Variants in MPRIP observed in about 807,000 individuals in gnomAD.
MPRIP encodes myosin phosphatase Rho-interacting protein.
MPRIP carries 59 observed loss-of-function variants against 234.9 expected under a neutral mutation model. That is an observed-to-expected ratio of 0.25 (90% CI 0.20 to 0.31). The LOEUF (loss-of-function observed/expected upper bound fraction) is 0.31, where lower values mean the gene tolerates loss of function less well. MPRIP is among the 10% of genes least tolerant of loss of function. The pLI is 1.00. For synonymous variants in MPRIP, 1,144 were observed against 1,263.9 expected (o/e 0.91, Z 2.01); for missense variants, 2,436 against 3,071.0 (o/e 0.79, Z 4.89).
chr17:17,142,858 G>C (rs535239889), intron 8 of MPRIP, 93 bp downstream of exon 8: 8 of 1,414,998 alleles, frequency 5.7e-6, no homozygotes, highest in Non-Finnish European at 7.7e-6. Flanking sequence ...ACAGGCCTGG[G>C]ATGTGCTCCT....
intron 1 of MPRIP, among the ~76,000 whole-genome samples, chr17:17,044,266 T>G (rs2088275960): frequency 6.6e-6 from 1 of 152,222 alleles, no homozygotes; most frequent in South Asian, 2.1e-4. Context: ...CTCATTTACC[T>G]CGGAGGGTGT....
rs777287779 is a variant in MPRIP at position 17,142,764 on chromosome 17, G to A, written c.1388G>A (p.Arg463Gln). The change falls in exon 8 of 24, where the codon CGG (arginine) becomes CAG (glutamine). Residue 463 changes from arginine (R) to glutamine (Q), a missense_variant and splice_region_variant. Physicochemically the swap from Arg to Gln is conservative, Grantham distance 43. This residue lies in a region of MPRIP where 267 missense variants were observed against 252.7 expected (regional missense o/e 1.06). Transcript: ENST00000651222. Reference sequence around the variant, plus strand: ...GAGAAGAGGGCGTTCCCTAGGAAGCGGGTGAGCTCCTGGGGCTGGGCAGCA... The same window carrying A: ...GAGAAGAGGGCGTTCCCTAGGAAGCAGGTGAGCTCCTGGGGCTGGGCAGCA... ...RSEKRAFPRKRDFTNEAPPAP... is the reference protein window; with the variant it reads ...RSEKRAFPRKQDFTNEAPPAP... 15 of 1,612,066 alleles carry A rather than the reference G, an allele frequency of 9.3e-6. No homozygotes were observed. Among genetic ancestry groups the A allele is most frequent in the Admixed American group, 8.3e-5 (5 of 59,972 alleles).
At chr17:17,169,531 C>T (rs1057229491) in intron 16 of MPRIP, among the ~76,000 whole-genome samples, 3 of 152,242 alleles carry the variant, frequency 2.0e-5, no homozygotes, top group Admixed American at 6.5e-5. Flanking sequence ...GGGCCAGTGT[C>T]ACTAGGAGGG....
At chr17:17,153,677 T>C (rs1360644997) in intron 12 of MPRIP, among the ~76,000 whole-genome samples, 1 of 151,626 alleles carries the variant, frequency 6.6e-6, no homozygotes, top group Admixed American at 6.6e-5. Flanking sequence ...AGCCAGACGC[T>C]GTTCATACCC....
intron 13 of MPRIP, among the ~76,000 whole-genome samples, chr17:17,155,743 T>C (rs2144581918): frequency 6.6e-6 from 1 of 152,354 alleles, no homozygotes; most frequent in South Asian, 2.1e-4. Context: ...GCCCTCTGTC[T>C]CTCAGGATCC....
At chr17:17,059,949 T>C (rs2088822049) in intron 1 of MPRIP, among the ~76,000 whole-genome samples, 1 of 152,186 alleles carries the variant, frequency 6.6e-6, no homozygotes, top group Non-Finnish European at 1.5e-5. Flanking sequence ...ATAAATTACG[T>C]TGAGCACCTT....
intron 3 of MPRIP, among the ~76,000 whole-genome samples, chr17:17,113,582 T>C (rs554471996): frequency 6.6e-6 from 1 of 152,378 alleles, no homozygotes; most frequent in African/African-American, 2.4e-5. Flanking sequence ...TGTTGGCTAT[T>C]GTGAATAATG....
intron 1 of MPRIP, among the ~76,000 whole-genome samples, chr17:17,050,039 T>C (rs893209048): frequency 3.6e-4 from 53 of 145,448 alleles, no homozygotes; most frequent in African/African-American, 1.3e-3. Flanking sequence ...TACAATAAAT[T>C]AGTCGGGGCC....
chr17:17,131,481 C>T (rs2090595425), intron 4 of MPRIP, 136 bp from the exon 5 acceptor site: 1 of 692,328 alleles, frequency 1.4e-6, no homozygotes, highest in Non-Finnish European at 2.5e-6. Flanking sequence ...CTCTGTGGCA[C>T]TTCTGGCCCC....
At chr17:17,055,844 G>GT (rs1430815850) in intron 1 of MPRIP, among the ~76,000 whole-genome samples, 1 of 152,226 alleles carries the variant, frequency 6.6e-6, no homozygotes, top group East Asian at 1.9e-4. Flanking sequence ...TTGTGGCGCT[G>GT]TTGGTGGTAT....
intron 3 of MPRIP, among the ~76,000 whole-genome samples, chr17:17,103,755 G>A (rs1488834542): frequency 1.3e-5 from 2 of 152,206 alleles, no homozygotes; most frequent in Non-Finnish European, 2.9e-5. Flanking sequence ...ACTCTCTGCA[G>A]GAAAACAGAT....
chr17:17,169,064 A>G (rs1245677413), intron 16 of MPRIP: 1 of 447,886 alleles, frequency 2.2e-6, no homozygotes, highest in African/African-American at 2.0e-5. Flanking sequence ...CCTCAGGAGA[A>G]CTGAGAAGCT....
chr17:17,075,900 G>A (rs1320845211), intron 2 of MPRIP, 113 bp downstream of exon 2: 1 of 960,440 alleles, frequency 1.0e-6, no homozygotes, highest in African/African-American at 1.6e-5. Flanking sequence ...TCCTGGGATA[G>A]CAGGACCAGC....
At chr17:17,048,169 C>G (rs1281076099) in intron 1 of MPRIP, among the ~76,000 whole-genome samples, 1 of 152,102 alleles carries the variant, frequency 6.6e-6, no homozygotes, top group Non-Finnish European at 1.5e-5. Context: ...TTGGCTGGGT[C>G]ATTTTCATTG....
At position 17,165,559 on chromosome 17, in the gene MPRIP, G is replaced by A. The variant is rs771177913; in HGVS notation, c.3968G>A (p.Arg1323Gln). 8.4e-6 allele frequency: 11 copies of A among 1,304,598 alleles called. No individual in the cohort carries two copies. The highest frequency in any genetic ancestry group is 5.5e-5 in the East Asian group (1 of 18,032). The allele number at this position is 1,304,598 out of a possible 1,614,324, so 80.8% of individuals were successfully genotyped here. Reference protein sequence around the residue: ...GAPGVKRQRIRFSTIQCQRYI... With the variant: ...GAPGVKRQRIQFSTIQCQRYI... ...CCTGGTGTTAAAAGGCAAAGAATCC[G>A]GTTCTCCACAATCCAGTGCCAAAGA... The change falls in exon 16 of 24, where the codon CGG becomes CAG. Residue 1323 changes from arginine to glutamine, a missense_variant. Coordinates refer to ENST00000651222, the MANE Select transcript of MPRIP (RefSeq NM_001364716.4).
chr17:17,179,976 T>C, intron 22 of MPRIP, 27 bp from the exon 23 acceptor site: 1 of 1,555,776 alleles, frequency 6.4e-7, no homozygotes, highest in South Asian at 1.2e-5. Flanking sequence ...AGGTAACAGG[T>C]CTGTTTGTTT....
chr17:17,160,982 G>A (rs1013425393), intron 14 of MPRIP, among the ~76,000 whole-genome samples: 15 of 152,228 alleles, frequency 9.9e-5, no homozygotes, highest in African/African-American at 3.6e-4. Flanking sequence ...TGGGCATCCA[G>A]GGGTGCCTGG....
In MPRIP at chr17:17,137,892, C is replaced by T. The variant is rs1408329228; in HGVS notation, c.737-24C>T. 40 of 1,548,076 alleles carry T rather than the reference C, an allele frequency of 2.6e-5. No homozygotes were observed. In the East Asian group the frequency reaches 9.5e-4, roughly 37 times the overall value. On this transcript the variant is annotated intron_variant, in intron 6 of 23. Coordinates refer to ENST00000651222, the MANE Select transcript of MPRIP (RefSeq NM_001364716.4). Reference sequence around the variant, plus strand: ...AGCTGCCAGCAGGCTGAGTGCGTCTCCTCCCTCCCACTGTCTCTTCCAGAG... The same window carrying T: ...AGCTGCCAGCAGGCTGAGTGCGTCTTCTCCCTCCCACTGTCTCTTCCAGAG...
intron 9 of MPRIP, among the ~76,000 whole-genome samples, chr17:17,145,290 A>G (rs2045434293): frequency 6.6e-6 from 1 of 152,080 alleles, no homozygotes; most frequent in Admixed American, 6.6e-5. Flanking sequence ...ACAGACATCA[A>G]AGCTAGCTTC....
Sources: allele counts gnomAD v4.1 joint callset (sites outside exome capture counted in the v4.1 genomes callset), GRCh38; gene constraint gnomAD v4.1.1; regional missense constraint gnomAD v4.1.1; transcripts MANE v1.5; gene names NCBI Gene and HGNC (gene_info 2026-07-23, HGNC 2026-07-21).